The following PPP2R5E variants were observed in gnomAD, a reference collection of about 807,000 sequenced individuals.
PPP2R5E encodes serine/threonine-protein phosphatase 2A 56 kDa regulatory subunit epsilon isoform.
In PPP2R5E, 4 loss-of-function variants were observed where a neutral mutation model predicts 65.3. The ratio of observed to expected loss-of-function variants is 0.06; its 90% CI spans 0.03 to 0.14. The LOEUF is 0.14. Among genes scored for constraint, PPP2R5E ranks in the 10% least tolerant of loss-of-function variants. The pLI is 1.00. For synonymous variants in PPP2R5E, 183 were observed against 187.4 expected (o/e 0.98, Z 0.19); for missense variants, 274 against 556.1 (o/e 0.49, Z 5.10).
intron 5 of PPP2R5E, among the ~76,000 whole-genome samples, chr14:63,406,424 A>G (rs2139834654): frequency 6.6e-6 from 1 of 151,932 alleles, no homozygotes; most frequent in East Asian, 1.9e-4. Flanking sequence ...AAAAAAAAAA[A>G]AAGAAAAAGA....
At position 63,424,710 on chromosome 14, in the gene PPP2R5E, C is replaced by T. The variant is rs10148501; in HGVS notation, c.355-2616G>A. ...AGCTTGCAGTGAGCCGAGATCTCACCACCGCACTCCAGCCTGGGCAACAGA... is the reference window on the plus strand; with the variant it reads ...AGCTTGCAGTGAGCCGAGATCTCACTACCGCACTCCAGCCTGGGCAACAGA... On this transcript the variant is annotated intron_variant, in intron 3 of 13. Transcript: ENST00000337537. Among the ~76,000 whole-genome samples, 1,416 of 150,146 alleles carry T rather than the reference C, an allele frequency of 9.4e-3. 24 individuals carry two copies. Among genetic ancestry groups the T allele is most frequent in the African/African-American group, 0.033 (1,338 of 40,650 alleles).
chr14:63,522,469 G>T (rs1892962257), intron 2 of PPP2R5E, among the ~76,000 whole-genome samples: 1 of 150,602 alleles, frequency 6.6e-6, no homozygotes, highest in Admixed American at 6.6e-5. Flanking sequence ...GAGCGTCTCT[G>T]CCCGGCCGCC....
chr14:63,487,048 A>G (rs2139618178), intron 2 of PPP2R5E, among the ~76,000 whole-genome samples: 1 of 152,346 alleles, frequency 6.6e-6, no homozygotes, highest in East Asian at 1.9e-4. Context: ...AACTGTCTCA[A>G]ACCCACATGC....
At position 63,374,699 on chromosome 14, in the gene PPP2R5E, T is replaced by G. The variant is rs939663445; in HGVS notation, c.*1310A>C. 1.4e-5 allele frequency: 2 copies of G among 138,084 alleles called. No homozygotes were observed. The highest frequency in any genetic ancestry group is 3.1e-5 in the African/African-American group (1 of 31,902). 8.6% of individuals were successfully genotyped at this position (138,084 alleles called of 1,614,324 possible). A position where few individuals can be genotyped will look rare whatever the true frequency, so the allele number is the denominator to read the frequency against. ...ACAGCCCTAGATTTTGTTTTTTTTG[T>G]TTTTTTTTCTTAAACAATTTGGTCA... On this transcript the variant is annotated 3_prime_UTR_variant, in exon 14 of 14. Coordinates refer to ENST00000337537, the MANE Select transcript of PPP2R5E (RefSeq NM_006246.5).
chr14:63,464,161 A>G (rs1889655102), intron 2 of PPP2R5E, among the ~76,000 whole-genome samples: 1 of 152,220 alleles, frequency 6.6e-6, no homozygotes. Flanking sequence ...ACCCACCAAC[A>G]GCCAGGGACT....
chr14:63,527,187 A>T (rs1566763818), intron 2 of PPP2R5E, among the ~76,000 whole-genome samples: 1 of 152,284 alleles, frequency 6.6e-6, no homozygotes, highest in East Asian at 1.9e-4. Context: ...AAGAAAGTTT[A>T]TCTAATAATA....
chr14:63,384,094 A>T (rs1884520880), intron 12 of PPP2R5E, among the ~76,000 whole-genome samples: 1 of 152,098 alleles, frequency 6.6e-6, no homozygotes, highest in Admixed American at 6.6e-5. Context: ...CCACTGTCTG[A>T]AAGGGCTCTC....
rs113659442 is a variant in PPP2R5E, at chr14:63,393,691, G to A, written c.849+129C>T. ...TGTCCCACTGCACTCCAGCCTGGGC[G>A]GCAGAGCAAGACTCCGTCTCAAAAA... On this transcript the variant is annotated intron_variant, in intron 8 of 13. Transcript: ENST00000337537. 3.4e-3 allele frequency: 2,014 copies of A among 598,374 alleles called. 33 individuals are homozygous for A. Among genetic ancestry groups the A allele is most frequent in the African/African-American group, 0.033 (1,772 of 53,376 alleles). The allele number at this position is 598,374 out of a possible 1,614,324, so 37.1% of individuals were successfully genotyped here.
At chr14:63,458,051 C>T (rs371844388) in intron 2 of PPP2R5E, among the ~76,000 whole-genome samples, 14 of 152,252 alleles carry the variant, frequency 9.2e-5, no homozygotes, top group African/African-American at 2.9e-4. Flanking sequence ...AAAATGACTA[C>T]GCCTACCTCC....
At chr14:63,500,709 A>T (rs1891834315) in intron 2 of PPP2R5E, among the ~76,000 whole-genome samples, 1 of 152,092 alleles carries the variant, frequency 6.6e-6, no homozygotes, top group Admixed American at 6.6e-5. Flanking sequence ...CTACAAGAAA[A>T]TTTTTAAAAA....
chr14:63,435,401 T>C (rs1018300881), intron 3 of PPP2R5E, among the ~76,000 whole-genome samples: 1 of 152,160 alleles, frequency 6.6e-6, no homozygotes, highest in Admixed American at 6.5e-5. Context: ...GTGAGTTCTT[T>C]ACATATTCTT....
intron 11 of PPP2R5E, 57 bp downstream of exon 11, chr14:63,389,555 A>G (rs1375352150): frequency 6.6e-7 from 1 of 1,525,100 alleles, no homozygotes; most frequent in Non-Finnish European, 8.8e-7. Flanking sequence ...TTTGAAACAA[A>G]TAAAATTTAA....
At chr14:63,461,975 T>TG in intron 2 of PPP2R5E, among the ~76,000 whole-genome samples, 1 of 152,148 alleles carries the variant, frequency 6.6e-6, no homozygotes, top group Non-Finnish European at 1.5e-5. Context: ...GGCCTGTATT[T>TG]GGGGATCTCT....
intron 3 of PPP2R5E, among the ~76,000 whole-genome samples, chr14:63,424,791 G>C (rs1486123844): frequency 6.6e-6 from 1 of 151,710 alleles, no homozygotes; most frequent in African/African-American, 2.4e-5. Flanking sequence ...TGGGCACCCA[G>C]TATTTAGAAA....
chr14:63,539,223 C>T (rs964640373), intron 2 of PPP2R5E, among the ~76,000 whole-genome samples: 7 of 152,130 alleles, frequency 4.6e-5, no homozygotes, highest in African/African-American at 7.2e-5. Flanking sequence ...CCCTAAACGT[C>T]AACAGAAGAA....
In PPP2R5E at chr14:63,469,176, T is replaced by C. The variant is rs146219945; in HGVS notation, c.158-15291A>G. Among the ~76,000 whole-genome samples, 584 of 152,348 alleles carry C rather than the reference T, an allele frequency of 3.8e-3. 1 individual carries two copies. The highest frequency in any genetic ancestry group is 6.3e-3 in the Non-Finnish European group (426 of 68,036). On this transcript the variant is annotated intron_variant, in intron 2 of 13. Transcript: ENST00000337537. Reference sequence around the variant, plus strand: ...CACTATTAAGCAAAACCAAACTTCATGTTCTTAGCCTTCATGAAGCTTACA... The same window carrying C: ...CACTATTAAGCAAAACCAAACTTCACGTTCTTAGCCTTCATGAAGCTTACA...
At chr14:63,468,069 T>G (rs747495642) in intron 2 of PPP2R5E, among the ~76,000 whole-genome samples, 1 of 152,194 alleles carries the variant, frequency 6.6e-6, no homozygotes, top group African/African-American at 2.4e-5. Context: ...TGGGACACAT[T>G]TGGTGCTCAA....
intron 2 of PPP2R5E, among the ~76,000 whole-genome samples, chr14:63,526,418 G>A (rs1323276484): frequency 1.3e-5 from 2 of 152,154 alleles, no homozygotes; most frequent in South Asian, 2.1e-4. Flanking sequence ...AAATACAAGA[G>A]TGCTGAAGTT....
At chr14:63,534,294 CT>C (rs1011449183) in intron 2 of PPP2R5E, among the ~76,000 whole-genome samples, 136 of 147,650 alleles carry the variant, frequency 9.2e-4, no homozygotes, top group Non-Finnish European at 9.5e-4. Flanking sequence ...TCTTGACTTT[CT>C]TTTTTTTTTT....
Sources: gnomAD v4.1 joint callset for allele counts (sites outside exome capture counted in the v4.1 genomes callset) on GRCh38, gnomAD v4.1.1 for gene constraint, MANE v1.5 for transcripts, NCBI Gene and HGNC (gene_info 2026-07-23, HGNC 2026-07-21) for gene names.